The following LRP2 variants were observed in gnomAD, a reference collection of about 807,000 sequenced individuals.
LRP2 encodes LDL receptor related protein 2.
LRP2 carries 172 observed loss-of-function variants against 531.0 expected under a neutral mutation model. That is an observed-to-expected ratio of 0.32 (90% CI 0.29 to 0.37). The LOEUF (loss-of-function observed/expected upper bound fraction) is 0.37, where lower values mean the gene tolerates loss of function less well. LRP2 is among the 10% of genes least tolerant of loss of function. LRP2 has a pLI of 1.00. For synonymous variants in LRP2, 1,992 were observed against 2,027.6 expected (o/e 0.98, Z 0.47); for missense variants, 5,167 against 5,868.3 (o/e 0.88, Z 3.90).
intron 1 of LRP2, among the ~76,000 whole-genome samples, chr2:169,351,494 G>T (rs979267959): frequency 3.9e-5 from 6 of 152,316 alleles, no homozygotes; most frequent in Admixed American, 3.9e-4. Context: ...AATTCTTCCA[G>T]AGTAATAGGA....
chr2:169,162,369 A>G, intron 63 of LRP2, 103 bp downstream of exon 63: 28 of 1,365,194 alleles, frequency 2.1e-5, no homozygotes, highest in Non-Finnish European at 2.9e-5. Flanking sequence ...CAAAAAGTAC[A>G]TTAAGGAGAA....
chr2:169,290,713 C>A (rs1173510180), intron 8 of LRP2, 132 bp downstream of exon 8: 2 of 947,266 alleles, frequency 2.1e-6, no homozygotes, highest in African/African-American at 3.3e-5. Context: ...AGACACGTTT[C>A]TCAGTTTATG....
chr2:169,206,303 G>A, intron 39 of LRP2, 27 bp downstream of exon 39: 3 of 1,612,658 alleles, frequency 1.9e-6, no homozygotes, highest in Non-Finnish European at 2.5e-6. Context: ...CTACTTGCAG[G>A]ACAAGCAGCA....
Position 169,261,521 on chromosome 2 carries a change from C to CAAAA in LRP2, c.2321-2308_2321-2305dup, listed in dbSNP as rs34719462. ...TTCCTGCATATACTGTGTACTCATTCAAAAAAAAAAAAAAGAACAATGTAA... is the reference window on the plus strand; with the variant it reads ...TTCCTGCATATACTGTGTACTCATTCAAAAAAAAAAAAAAAAAAGAACAATGTAA... On this transcript the variant is annotated intron_variant, in intron 16 of 78. Coordinates refer to ENST00000649046, the MANE Select transcript of LRP2 (RefSeq NM_004525.3). Among the ~76,000 whole-genome samples the CAAAA allele has an allele frequency of 1.2e-3, 159 of 129,648 alleles. 1 individual carries two copies. Among genetic ancestry groups the CAAAA allele is most frequent in the South Asian group, 2.9e-3 (12 of 4,160 alleles). The allele number at this position is 129,648 out of a possible 152,430, so 85.1% of individuals were successfully genotyped here. A position where few individuals can be genotyped will look rare whatever the true frequency, so the allele number is the denominator to read the frequency against.
At position 169,187,966 on chromosome 2, in the gene LRP2, T is replaced by C; in HGVS notation, c.9328+4A>G. The C allele has an allele frequency of 6.2e-7, 1 of 1,614,046 alleles. No homozygotes were observed. Among genetic ancestry groups the C allele is most frequent in the Non-Finnish European group, 8.5e-7 (1 of 1,179,914 alleles). Reference sequence around the variant, plus strand: ...CCTTTTCCCAAATCCTCTGTTGTACTCACCACAGCCTTTCTCATCGCTGTT... The same window carrying C: ...CCTTTTCCCAAATCCTCTGTTGTACCCACCACAGCCTTTCTCATCGCTGTT... On this transcript the variant is annotated splice_donor_region_variant and intron_variant, in intron 49 of 78. Coordinates refer to ENST00000649046, the MANE Select transcript of LRP2 (RefSeq NM_004525.3).
rs564512071 is a variant in LRP2 at position 169,247,461 on chromosome 2, G to T, written c.2825C>A (p.Ala942Glu). The T allele has an allele frequency of 1.2e-6, 2 of 1,614,094 alleles. No individual in the cohort carries two copies. The highest frequency in any genetic ancestry group is 1.3e-5 in the African/African-American group (1 of 75,044). ...RLGAIIRVRK[A>E]DGGEMTVIRS... ...GATAACTGTCATTTCTCCACCATCT[G>T]CTTTCCTGACTCGAATAATGGCACC... is the stretch of plus-strand genomic sequence containing the variant. Residue 942 changes from alanine to glutamate, a missense_variant, in exon 20 of 79, where the codon GCA (alanine) becomes GAA (glutamate). By Grantham distance (107) the Ala-to-Glu change is moderately radical (BLOSUM62 -1). This residue lies in a region of LRP2 where 2,811 missense variants were observed against 3,058.0 expected (regional missense o/e 0.92). Coordinates refer to ENST00000649046, the MANE Select transcript of LRP2 (RefSeq NM_004525.3).
intron 34 of LRP2, among the ~76,000 whole-genome samples, chr2:169,218,232 A>G (rs774519191): frequency 6.6e-6 from 1 of 152,048 alleles, no homozygotes; most frequent in Non-Finnish European, 1.5e-5. Context: ...TCCCAACCCA[A>G]CTGGGTTGCT....
intron 38 of LRP2, among the ~76,000 whole-genome samples, chr2:169,207,637 A>G (rs374979172): frequency 6.6e-6 from 1 of 152,156 alleles, no homozygotes; most frequent in Non-Finnish European, 1.5e-5. Context: ...TTCCATCCCA[A>G]TGTGATAAAA....
Position 169,353,288 on chromosome 2 carries a change from A to G in LRP2, c.79+9033T>C, listed in dbSNP as rs1156515981. Among the ~76,000 whole-genome samples, 8 of 152,200 alleles carry G rather than the reference A, an allele frequency of 5.3e-5. No homozygotes were observed. In the East Asian group the frequency reaches 1.5e-3, roughly 29 times the overall value. ...AGTTGGATTCCCCCTGGATAGGATC[A>G]AGGAAACACGTAGCCCCATTTGCCC... is the stretch of plus-strand genomic sequence containing the variant. On this transcript the variant is annotated intron_variant, in intron 1 of 78. Coordinates refer to ENST00000649046, the MANE Select transcript of LRP2 (RefSeq NM_004525.3).
chr2:169,311,711 T>C (rs1004765176), intron 3 of LRP2, among the ~76,000 whole-genome samples: 6 of 152,188 alleles, frequency 3.9e-5, no homozygotes, highest in African/African-American at 9.7e-5. Context: ...AGATGTCTAT[T>C]AGGTCTGCTT....
chr2:169,230,756 A>C (rs1689367915), intron 31 of LRP2, among the ~76,000 whole-genome samples: 1 of 152,228 alleles, frequency 6.6e-6, no homozygotes, highest in Non-Finnish European at 1.5e-5. Context: ...TGTGAACTGG[A>C]TGCAACTTTT....
rs554775558 is a variant in LRP2 at position 169,156,717 on chromosome 2, C to T, written c.12020-312G>A. Among the ~76,000 whole-genome samples, 7 of 152,282 alleles carry T rather than the reference C, an allele frequency of 4.6e-5. No homozygotes were observed. In the South Asian group the frequency reaches 1.5e-3, roughly 32 times the overall value. On this transcript the variant is annotated intron_variant, in intron 64 of 78. Transcript: ENST00000649046. ...CTCTGCAATAGCAGAGCACATTTTC[C>T]CTTTCAGAAGGCATATGTTGTGTTG...
intron 77 of LRP2, among the ~76,000 whole-genome samples, chr2:169,131,093 AG>A (rs1264523841): frequency 6.6e-6 from 1 of 152,212 alleles, no homozygotes; most frequent in Non-Finnish European, 1.5e-5. Context: ...TCAGGCTTGG[AG>A]GACCAAATAT....
intron 4 of LRP2, among the ~76,000 whole-genome samples, chr2:169,295,775 T>G (rs562674010): frequency 7.1e-4 from 108 of 152,286 alleles, no homozygotes; most frequent in African/African-American, 2.6e-3. Context: ...TTTAGTTCAT[T>G]CGGCTTTTTA....
chr2:169,262,923 G>A (rs1395725610), intron 16 of LRP2, among the ~76,000 whole-genome samples: 1 of 152,086 alleles, frequency 6.6e-6, no homozygotes, highest in African/African-American at 2.4e-5. Flanking sequence ...ACAGAACAGA[G>A]CCCTCAGAAA....
At chr2:169,173,797 G>A in intron 56 of LRP2, 122 bp downstream of exon 56, 4 of 1,361,676 alleles carry the variant, frequency 2.9e-6, no homozygotes, top group Non-Finnish European at 2.1e-6. Flanking sequence ...TTTGCAGGGA[G>A]TGCCAAGGGG....
intron 1 of LRP2, among the ~76,000 whole-genome samples, chr2:169,328,160 G>C (rs1422215797): frequency 3.7e-5 from 4 of 109,242 alleles, no homozygotes; most frequent in Admixed American, 8.6e-5. Context: ...CCCCTCTGCC[G>C]GGCCAGCCGC....
intron 31 of LRP2, among the ~76,000 whole-genome samples, chr2:169,229,634 A>C (rs1175767285): frequency 6.6e-6 from 1 of 152,220 alleles, no homozygotes; most frequent in East Asian, 1.9e-4. Flanking sequence ...AAAAAGTCTC[A>C]TACAGAGAAA....
chr2:169,298,005 C>T (rs1205211708), intron 4 of LRP2, among the ~76,000 whole-genome samples: 1 of 149,902 alleles, frequency 6.7e-6, no homozygotes, highest in African/African-American at 2.5e-5. Context: ...AAGAAATTAC[C>T]GATACAAGTC....
Sources: allele counts gnomAD v4.1 joint callset (sites outside exome capture counted in the v4.1 genomes callset), GRCh38; gene constraint gnomAD v4.1.1; regional missense constraint gnomAD v4.1.1; transcripts MANE v1.5; gene names NCBI Gene and HGNC (gene_info 2026-07-23, HGNC 2026-07-21).